The following MRTFB variants were observed in gnomAD, a reference collection of about 807,000 sequenced individuals.
MRTFB encodes myocardin related transcription factor B.
MRTFB carries 29 observed loss-of-function variants against 104.2 expected under a neutral mutation model. That is an observed-to-expected ratio of 0.28 (90% CI 0.21 to 0.38). The LOEUF (loss-of-function observed/expected upper bound fraction) is 0.38. Among genes scored for constraint, MRTFB ranks in the 10% least tolerant of loss-of-function variants. The pLI, the probability that MRTFB is intolerant of heterozygous loss-of-function variation, is 1.00. For synonymous variants in MRTFB, 535 were observed against 519.5 expected (o/e 1.03, Z -0.41); for missense variants, 1,270 against 1,341.6 (o/e 0.95, Z 0.83).
chr16:14,007,166 T>C, the MRTFB span, among the ~76,000 whole-genome samples: 1 of 152,180 alleles, frequency 6.6e-6, no homozygotes, highest in Admixed American at 6.5e-5. Flanking sequence ...CAGAACACTT[T>C]CGTTACCCCA....
intron 3 of MRTFB, among the ~76,000 whole-genome samples, chr16:14,187,451 T>C (rs1009269705): frequency 2.6e-5 from 4 of 152,262 alleles, no homozygotes; most frequent in African/African-American, 9.6e-5. Context: ...TCAGTTAAGA[T>C]GCTTATGATT....
the MRTFB span, among the ~76,000 whole-genome samples, chr16:14,058,228 G>A: frequency 6.6e-6 from 1 of 152,132 alleles, no homozygotes. Flanking sequence ...CTCATTTCGC[G>A]AATTCCAAGA....
intron 3 of MRTFB, among the ~76,000 whole-genome samples, chr16:14,205,232 G>A (rs2040888535): frequency 6.6e-6 from 1 of 151,966 alleles, no homozygotes; most frequent in South Asian, 2.1e-4. Flanking sequence ...TTTGTGTAAT[G>A]AACATATTTG....
At chr16:14,143,677 A>T (rs1597054549) in intron 3 of MRTFB, 1 of 152,008 alleles carries the variant, frequency 6.6e-6, no homozygotes, top group South Asian at 2.1e-4. Context: ...TGAAAATTTC[A>T]TGTCTAAATC....
Position 14,217,176 on chromosome 16 carries a change from G to T in MRTFB, c.403G>T (p.Ala135Ser). 6.2e-7 allele frequency: 1 copy of T among 1,613,866 alleles called. No homozygotes were observed. Among genetic ancestry groups the T allele is most frequent in the Non-Finnish European group, 8.5e-7 (1 of 1,179,880 alleles). Reference sequence around the variant, plus strand: ...GGCTACTCAGATGAAGTTGAAAAGAGCTCGACTAGCAGATGATCTGAATGA... The same window carrying T: ...GGCTACTCAGATGAAGTTGAAAAGATCTCGACTAGCAGATGATCTGAATGA... ...LQATQMKLKR[A>S]RLADDLNEKI... The change falls in exon 7 of 17, where the codon GCT becomes TCT. Residue 135 changes from alanine to serine, a missense_variant. By Grantham distance (99) the Ala-to-Ser change is moderately conservative. Coordinates refer to ENST00000571589, the MANE Select transcript of MRTFB (RefSeq NM_001308142.2).
intron 2 of MRTFB, among the ~76,000 whole-genome samples, chr16:14,122,003 T>TG (rs761494609): frequency 6.6e-6 from 1 of 152,216 alleles, no homozygotes; most frequent in Non-Finnish European, 1.5e-5. Context: ...ACCAGCCTCC[T>TG]GACTTTCTTC....
the MRTFB span, among the ~76,000 whole-genome samples, chr16:14,002,972 A>G: frequency 6.6e-6 from 1 of 152,122 alleles, no homozygotes; most frequent in Admixed American, 6.5e-5. Flanking sequence ...TTCTCTCTAG[A>G]TGTTGGTAGA....
At chr16:14,238,110 A>AG (rs1475487254) in intron 9 of MRTFB, among the ~76,000 whole-genome samples, 1 of 152,138 alleles carries the variant, frequency 6.6e-6, no homozygotes, top group East Asian at 1.9e-4. Flanking sequence ...CAATGTCTGG[A>AG]GACGTTTCTG....
At chr16:14,060,204 A>C in the MRTFB span, among the ~76,000 whole-genome samples, 1 of 151,586 alleles carries the variant, frequency 6.6e-6, no homozygotes, top group Non-Finnish European at 1.5e-5. Flanking sequence ...ACAGGATTTC[A>C]CCATGTTGGC....
intron 3 of MRTFB, among the ~76,000 whole-genome samples, chr16:14,190,120 CT>C (rs1351008457): frequency 2.0e-5 from 3 of 152,114 alleles, no homozygotes; most frequent in Non-Finnish European, 4.4e-5. Flanking sequence ...CTTATATAAG[CT>C]TTTTGATAGA....
chr16:14,162,875 A>G (rs187657365), intron 3 of MRTFB, among the ~76,000 whole-genome samples: 13 of 152,332 alleles, frequency 8.5e-5, no homozygotes, highest in East Asian at 3.9e-4. Context: ...CTGCATGTCT[A>G]TTATACTAAA....
intron 2 of MRTFB, among the ~76,000 whole-genome samples, chr16:14,091,766 G>A (rs908915623): frequency 2.0e-5 from 3 of 151,914 alleles, no homozygotes; most frequent in East Asian, 3.9e-4. Flanking sequence ...AGGCCGAGGC[G>A]GGCAGATCAC....
At chr16:14,034,092 A>G in the MRTFB span, among the ~76,000 whole-genome samples, 1 of 152,156 alleles carries the variant, frequency 6.6e-6, no homozygotes, top group South Asian at 2.1e-4. Context: ...CTCAGGCCCC[A>G]GGCCTTGCTG....
chr16:14,252,728 A>G lies in MRTFB; in HGVS notation c.2703+226A>G, dbSNP rs975895927. On this transcript the variant is annotated intron_variant, in intron 15 of 16. Coordinates refer to ENST00000571589, the MANE Select transcript of MRTFB (RefSeq NM_001308142.2). Reference sequence around the variant, plus strand: ...AACTGCATTTACTGTTTATTCAGAAATTAAGGGTTTATCTCTTAACTTTTC... The same window carrying G: ...AACTGCATTTACTGTTTATTCAGAAGTTAAGGGTTTATCTCTTAACTTTTC... Among the ~76,000 whole-genome samples the G allele has an allele frequency of 9.9e-5, 15 of 152,210 alleles. 1 individual carries two copies. The highest frequency in any genetic ancestry group is 9.8e-4 in the Admixed American group (15 of 15,292).
chr16:14,086,386 A>T (rs2034704157), intron 2 of MRTFB, among the ~76,000 whole-genome samples: 1 of 152,192 alleles, frequency 6.6e-6, no homozygotes, highest in African/African-American at 2.4e-5. Flanking sequence ...AGCAGCAGTT[A>T]TTTGCATGTA....
chr16:14,096,285 C>T (rs2035365042), intron 2 of MRTFB, among the ~76,000 whole-genome samples: 1 of 152,056 alleles, frequency 6.6e-6, no homozygotes, highest in African/African-American at 2.4e-5. Flanking sequence ...GTTGGCCAAG[C>T]TGGTCTCAAA....
At chr16:14,090,898 G>GTGTA (rs1202115265) in intron 2 of MRTFB, among the ~76,000 whole-genome samples, 1 of 150,890 alleles carries the variant, frequency 6.6e-6, no homozygotes, top group Non-Finnish European at 1.5e-5. Context: ...GTGTGTGTGT[G>GTGTA]TGTGTGTGTG....
intron 2 of MRTFB, among the ~76,000 whole-genome samples, chr16:14,126,102 G>A (rs148865148): frequency 4.7e-4 from 72 of 152,204 alleles, no homozygotes; most frequent in South Asian, 1.5e-3. Context: ...TAAAGCCTTA[G>A]GAAATTCTTA....
At chr16:14,136,666 A>G (rs1338086824) in intron 2 of MRTFB, among the ~76,000 whole-genome samples, 3 of 152,212 alleles carry the variant, frequency 2.0e-5, no homozygotes, top group Non-Finnish European at 2.9e-5. Flanking sequence ...TTAAAATATA[A>G]GACAATTATT....
Sources: gnomAD v4.1 joint callset for allele counts (sites outside exome capture counted in the v4.1 genomes callset) on GRCh38, gnomAD v4.1.1 for gene constraint, MANE v1.5 for transcripts, NCBI Gene and HGNC (gene_info 2026-07-23, HGNC 2026-07-21) for gene names.